RBL1: variants seen among roughly 807,000 people sequenced by gnomAD.
RBL1 encodes the protein retinoblastoma-like protein 1.
RBL1 carries 82 observed loss-of-function variants against 123.0 expected under a neutral mutation model. The ratio of observed to expected loss-of-function variants is 0.67; its 90% CI spans 0.56 to 0.80. RBL1 has a LOEUF of 0.80. RBL1 is among the 30% of genes least tolerant of loss of function. RBL1 has a pLI of 0.00. For synonymous variants in RBL1, 405 were observed against 441.3 expected (o/e 0.92, Z 1.03); for missense variants, 1,171 against 1,299.6 (o/e 0.90, Z 1.52).
intron 18 of RBL1, among the ~76,000 whole-genome samples, chr20:37,020,172 T>G (rs2064318141): frequency 6.7e-6 from 1 of 149,814 alleles, no homozygotes; most frequent in South Asian, 2.1e-4. Flanking sequence ...CACCGCAACC[T>G]CTGCCTCCTG....
intron 17 of RBL1, chr20:37,021,610 A>T (rs952169808): frequency 4.6e-5 from 7 of 151,858 alleles, no homozygotes; most frequent in Admixed American, 4.6e-4. Context: ...ATGCCCAGCT[A>T]ATTTTTGTAT....
chr20:37,013,296 C>A (rs1358558949), intron 19 of RBL1, among the ~76,000 whole-genome samples: 1 of 151,714 alleles, frequency 6.6e-6, no homozygotes, highest in African/African-American at 2.4e-5. Flanking sequence ...TACCCCCAAC[C>A]CTGTGCTCTC....
intron 19 of RBL1, among the ~76,000 whole-genome samples, chr20:37,017,824 A>G (rs1198802602): frequency 4.0e-5 from 6 of 151,814 alleles, no homozygotes; most frequent in African/African-American, 1.5e-4. Context: ...TTAAGTAGAG[A>G]TGGGGTTTCA....
At chr20:37,002,176 C>G (rs1374534166) in intron 21 of RBL1, among the ~76,000 whole-genome samples, 4 of 150,712 alleles carry the variant, frequency 2.7e-5, no homozygotes, top group Admixed American at 6.6e-5. Flanking sequence ...ACTACAGGCA[C>G]ATGCCACCAT....
rs1600529238 is a variant in RBL1 at position 37,049,247 on chromosome 20, T to A, written c.1468-2057A>T. ...CAAAAAAAAATTTAAAGATCCGCCA[T>A]CTGCAAATGCAGATTTTCGTGAAAA... On this transcript the variant is annotated intron_variant, in intron 11 of 21. Coordinates refer to ENST00000373664, the MANE Select transcript of RBL1 (RefSeq NM_002895.5). The A allele has an allele frequency of 7.9e-6, 4 of 504,362 alleles. No homozygotes were observed. The South Asian group carries it at 1.1e-4, about 14-fold the overall frequency. The allele number at this position is 504,362 out of a possible 1,614,324, so 31.2% of individuals were successfully genotyped here.
chr20:37,083,824 G>T (rs781453137), intron 2 of RBL1, among the ~76,000 whole-genome samples: 12 of 151,534 alleles, frequency 7.9e-5, no homozygotes, highest in Non-Finnish European at 1.2e-4. Context: ...AAACATTTTG[G>T]GGGAAAGGGA....
intron 16 of RBL1, among the ~76,000 whole-genome samples, chr20:37,027,408 G>A (rs896856499): frequency 3.3e-5 from 5 of 152,158 alleles, no homozygotes; most frequent in African/African-American, 9.7e-5. Flanking sequence ...CCAGGTACTC[G>A]GAGGGTAATG....
intron 6 of RBL1, among the ~76,000 whole-genome samples, chr20:37,066,513 C>G (rs1370291955): frequency 6.6e-6 from 1 of 152,142 alleles, no homozygotes; most frequent in Non-Finnish European, 1.5e-5. Context: ...TACATTTACC[C>G]AACAGTACAT....
At chr20:37,000,014 T>C (rs1186450798) in intron 21 of RBL1, among the ~76,000 whole-genome samples, 1 of 150,932 alleles carries the variant, frequency 6.6e-6, no homozygotes, top group Non-Finnish European at 1.5e-5. Flanking sequence ...GAGGAGTGTC[T>C]CTGCCCGGCC....
At position 36,998,860 on chromosome 20, in the gene RBL1, C is replaced by G. The variant is rs375915894; in HGVS notation, c.3106G>C (p.Asp1036His). 3.7e-6 allele frequency: 6 copies of G among 1,613,224 alleles called. No homozygotes were observed. The highest frequency in any genetic ancestry group is 5.1e-6 in the Non-Finnish European group (6 of 1,179,398). Residue 1036 changes from aspartate to histidine, a missense_variant, in exon 22 of 22, where the codon GAT becomes CAT. Coordinates refer to ENST00000373664, the MANE Select transcript of RBL1 (RefSeq NM_002895.5). ...QRTKKRVIAI[D>H]SDAESPAKRV... is the part of the protein sequence containing the mutation. ...TTGGCAGGGGATTCTGCATCACTAT[C>G]GATGGCTATTACTCGCTTCTTGGTT...
chr20:37,024,034 C>T (rs1193285784), intron 16 of RBL1, among the ~76,000 whole-genome samples: 1 of 151,768 alleles, frequency 6.6e-6, no homozygotes, highest in Non-Finnish European at 1.5e-5. Flanking sequence ...ATCTGCTGGC[C>T]TCGGCCTCCC....
intron 13 of RBL1, among the ~76,000 whole-genome samples, chr20:37,040,906 C>G (rs1018518719): frequency 3.9e-5 from 6 of 152,178 alleles, no homozygotes; most frequent in Non-Finnish European, 7.3e-5. Context: ...GGTCACACAA[C>G]TAGTAAGTTA....
intron 15 of RBL1, among the ~76,000 whole-genome samples, chr20:37,034,298 A>G (rs893974066): frequency 2.7e-4 from 41 of 151,860 alleles, no homozygotes; most frequent in Non-Finnish European, 4.7e-4. Flanking sequence ...AAATTTATGG[A>G]AAAAAAAGCA....
chr20:37,033,409 TC>T (rs1276140397), intron 15 of RBL1, among the ~76,000 whole-genome samples: 1 of 151,758 alleles, frequency 6.6e-6, no homozygotes, highest in Non-Finnish European at 1.5e-5. Flanking sequence ...GGTCTCGATC[TC>T]CTGACCTCAT....
chr20:37,023,126 T>C (rs1372904585), intron 16 of RBL1, among the ~76,000 whole-genome samples: 1 of 146,054 alleles, frequency 6.8e-6, no homozygotes, highest in African/African-American at 2.5e-5. Context: ...TAATTTTTCC[T>C]TTTTTTTTTT....
At chr20:37,075,132 A>G (rs2065344191) in intron 2 of RBL1, among the ~76,000 whole-genome samples, 1 of 152,236 alleles carries the variant, frequency 6.6e-6, no homozygotes. Flanking sequence ...ATACGATTCC[A>G]TTTATATGAA....
chr20:37,004,199 T>A (rs964051419), intron 20 of RBL1, among the ~76,000 whole-genome samples: 12 of 151,648 alleles, frequency 7.9e-5, no homozygotes, highest in South Asian at 2.1e-4. Flanking sequence ...GCCTCCCAAG[T>A]AGCTGGGATT....
intron 6 of RBL1, 53 bp from the exon 7 acceptor site, chr20:37,065,526 C>A (rs2065164723): frequency 1.7e-6 from 2 of 1,162,388 alleles, no homozygotes; most frequent in Non-Finnish European, 2.5e-6. Flanking sequence ...TATTAATACA[C>A]ACACAAACGT....
At chr20:37,049,634 T>C (rs1600530053) in intron 11 of RBL1, 1 of 755,720 alleles carries the variant, frequency 1.3e-6, no homozygotes, top group Non-Finnish European at 2.4e-6. Flanking sequence ...GGAGTGTTTA[T>C]GGCAAGCCAC....
Sources: gnomAD v4.1 joint callset for allele counts (sites outside exome capture counted in the v4.1 genomes callset) on GRCh38, gnomAD v4.1.1 for gene constraint, MANE v1.5 for transcripts, NCBI Gene and HGNC (gene_info 2026-07-23, HGNC 2026-07-21) for gene names.